Variants in CFAP92 observed in about 807,000 individuals in gnomAD.
CFAP92 encodes the protein cilia and flagella associated protein 92 (putative), also known as uncharacterized protein CFAP92.
In CFAP92, 86 loss-of-function variants were observed where a neutral mutation model predicts 106.3. The ratio of observed to expected loss-of-function variants is 0.81; its 90% CI spans 0.68 to 0.97. The LOEUF is 0.97. Ranked by LOEUF, CFAP92 falls within the 50% of genes least tolerant of loss-of-function variation. The pLI is 0.00. For missense variants in CFAP92, 1,204 were observed against 1,283.8 expected (o/e 0.94, Z 0.95); for synonymous variants, 477 against 506.4 (o/e 0.94, Z 0.78).
At chr3:128,996,507 G>A (rs1576666706), upstream of CFAP92, among the ~76,000 whole-genome samples, 2 of 152,318 alleles carry the variant, frequency 1.3e-5, no homozygotes, top group African/African-American at 2.4e-5. Context: ...GCAAAGGTGT[G>A]CTACCCACTA....
chr3:128,930,626 C>T (rs892005263), intron 12 of CFAP92, among the ~76,000 whole-genome samples: 2 of 151,970 alleles, frequency 1.3e-5, no homozygotes, highest in Non-Finnish European at 2.9e-5. Flanking sequence ...TGGTGTGTGC[C>T]TGTAATCCCA....
At chr3:129,003,649 G>A, upstream of CFAP92, 3 of 818,760 alleles carry the variant, frequency 3.7e-6, no homozygotes, top group Non-Finnish European at 4.8e-6. Flanking sequence ...GGACCTAAGG[G>A]CCTGGCACCC....
the CFAP92 span, among the ~76,000 whole-genome samples, chr3:129,017,088 C>T: frequency 4.6e-5 from 7 of 152,250 alleles, no homozygotes; most frequent in Admixed American, 3.3e-4. Flanking sequence ...GCCATGGCCT[C>T]AGGCATCACT....
upstream of CFAP92, among the ~76,000 whole-genome samples, chr3:128,996,318 T>A (rs1343338733): frequency 6.6e-6 from 1 of 152,188 alleles, no homozygotes; most frequent in Non-Finnish European, 1.5e-5. Flanking sequence ...TATAAGCAAA[T>A]TGTTGCTCTC....
In CFAP92 at chr3:129,002,062, T is replaced by A. The variant is rs1185512800; in HGVS notation, n.117+512A>T. ...CCGCCGGAGCTCACCTTCCGCCAGTTCCACGCGCGCCTCTGTGGCTACTTC... is the reference window on the plus strand; with the variant it reads ...CCGCCGGAGCTCACCTTCCGCCAGTACCACGCGCGCCTCTGTGGCTACTTC... On this transcript the variant is annotated intron_variant and non_coding_transcript_variant, in intron 1 of 4. Coordinates refer to the CFAP92 transcript ENST00000510149. The A allele has an allele frequency of 1.3e-6, 2 of 1,538,746 alleles. No individual in the cohort carries two copies. The highest frequency in any genetic ancestry group is 4.0e-5 in the Admixed American group (2 of 50,172).
intron 9 of CFAP92, among the ~76,000 whole-genome samples, chr3:128,948,399 T>C (rs1221195733): frequency 2.3e-5 from 3 of 128,896 alleles, no homozygotes; most frequent in African/African-American, 1.1e-4. Flanking sequence ...TTTTTTTTTT[T>C]TTTTTGTAGA....
At position 128,947,230 on chromosome 3, in the gene CFAP92, GA is replaced by G. The variant is rs1210531854; in HGVS notation, c.1354-1256del. On this transcript the variant is annotated intron_variant, in intron 9 of 15. Transcript: ENST00000645291. ...GTCCTGAAAACTTCAAAGCACTGAT[GA>G]AAAAAAAAAAAGATGTAAATAAATG... Among the ~76,000 whole-genome samples the G allele has an allele frequency of 2.6e-3, 359 of 138,586 alleles. 1 individual carries two copies. The highest frequency in any genetic ancestry group is 7.4e-3 in the Middle Eastern group (2 of 272). The allele number at this position is 138,586 out of a possible 152,430, so 90.9% of individuals were successfully genotyped here. A position where few individuals can be genotyped will look rare whatever the true frequency, so the allele number is the denominator to read the frequency against.
intron 12 of CFAP92, among the ~76,000 whole-genome samples, chr3:128,923,664 C>T (rs1937486068): frequency 6.6e-6 from 1 of 152,234 alleles, no homozygotes; most frequent in African/African-American, 2.4e-5. Context: ...GCTGGATCAC[C>T]AACTGGCAAT....
chr3:129,000,111 G>A (rs961523918), intron 1 of CFAP92, among the ~76,000 whole-genome samples: 1 of 152,342 alleles, frequency 6.6e-6, no homozygotes, highest in East Asian at 1.9e-4. Context: ...TGGACACCAG[G>A]TTGTCTCCAG....
At chr3:128,952,856 G>A (rs1263931450) in intron 9 of CFAP92, among the ~76,000 whole-genome samples, 1 of 151,160 alleles carries the variant, frequency 6.6e-6, no homozygotes, top group Non-Finnish European at 1.5e-5. Flanking sequence ...GAGGCCAAGG[G>A]GGTGGCTCAC....
In CFAP92 at chr3:128,958,248, CAA is replaced by C. The variant is rs1941599856; in HGVS notation, c.1353+7261_1353+7262del. On this transcript the variant is annotated intron_variant, in intron 9 of 15. Transcript: ENST00000645291. The stretch of plus-strand genomic sequence containing the variant: ...CTTAACAATAACATTTTCAAATTGA[CAA>C]AAGTATAGAGATAGCAAATTAGTGG... Among the ~76,000 whole-genome samples the C allele has an allele frequency of 2.0e-5, 3 of 152,114 alleles. No homozygotes were observed. The South Asian group carries it at 6.2e-4, about 32-fold the overall frequency.
At chr3:128,963,284 G>A (rs138871402) in intron 9 of CFAP92, among the ~76,000 whole-genome samples, 3 of 151,970 alleles carry the variant, frequency 2.0e-5, no homozygotes, top group East Asian at 3.9e-4. Context: ...GGACCACACC[G>A]TGTAGCCTTT....
intron 8 of CFAP92, chr3:128,966,498 C>G (rs1368268149): frequency 6.6e-6 from 1 of 151,378 alleles, no homozygotes; most frequent in Admixed American, 6.6e-5. Context: ...GTGCGCCTCG[C>G]AAAAAGGGTG....
At chr3:128,930,481 C>T (rs190570675) in intron 12 of CFAP92, among the ~76,000 whole-genome samples, 42 of 150,940 alleles carry the variant, frequency 2.8e-4, no homozygotes, top group Admixed American at 2.3e-3. Context: ...TTCCTCATGG[C>T]CAGGCGTGGT....
At chr3:128,974,721 T>C (rs1943029904) in intron 7 of CFAP92, among the ~76,000 whole-genome samples, 1 of 152,026 alleles carries the variant, frequency 6.6e-6, no homozygotes, top group South Asian at 2.1e-4. Context: ...CTCAGGAGGC[T>C]GAGGCAGCAG....
chr3:128,991,699 G>C, intron 2 of CFAP92: 4 of 923,086 alleles, frequency 4.3e-6, no homozygotes, highest in Non-Finnish European at 5.3e-6. Flanking sequence ...CCTGCACCAA[G>C]GCGTTCATTG....
chr3:128,978,014 C>T (rs1344884547), intron 5 of CFAP92, 31 bp downstream of exon 5: 13 of 1,613,124 alleles, frequency 8.1e-6, no homozygotes, highest in Admixed American at 1.7e-5. Flanking sequence ...GCCTTGCACT[C>T]AGCTTGTCCA....
At chr3:129,003,469 T>TC (rs1944897589), upstream of CFAP92, among the ~76,000 whole-genome samples, 1 of 151,600 alleles carries the variant, frequency 6.6e-6, no homozygotes, top group South Asian at 2.1e-4. Flanking sequence ...ACGCCGCCAA[T>TC]ACAGTAGGCC....
At chr3:128,997,754 C>T (rs577445379), upstream of CFAP92, among the ~76,000 whole-genome samples, 459 of 152,294 alleles carry the variant, frequency 3.0e-3, 2 homozygotes, top group Non-Finnish European at 4.7e-3. Flanking sequence ...TTATGAACAA[C>T]GTTGCTATGA....
Sources: gnomAD v4.1 joint callset for allele counts (sites outside exome capture counted in the v4.1 genomes callset) on GRCh38, gnomAD v4.1.1 for gene constraint, MANE v1.5 for transcripts, NCBI Gene and HGNC (gene_info 2026-07-23, HGNC 2026-07-21) for gene names.